Variants in POTEC observed in about 807,000 individuals in gnomAD.
POTEC encodes the protein ANKRD26-like family B member 2.
In POTEC, 35 loss-of-function variants were observed where a neutral mutation model predicts 62.0. That is an observed-to-expected ratio of 0.56 (90% CI 0.43 to 0.75). The LOEUF is 0.75. Among genes scored for constraint, POTEC ranks in the 30% least tolerant of loss-of-function variants. POTEC has a pLI of 0.00. For missense variants in POTEC, 472 were observed against 655.9 expected (o/e 0.72, Z 3.06); for synonymous variants, 156 against 221.5 (o/e 0.70, Z 2.62).
At position 14,507,635 on chromosome 18, in the gene POTEC, T is replaced by C. The variant is rs1183141177; in HGVS notation, c.*4263A>G. 1.3e-5 allele frequency: 2 copies of C among 152,144 alleles called. No homozygotes were observed. Among genetic ancestry groups the C allele is most frequent in the Non-Finnish European group, 2.9e-5 (2 of 68,038 alleles). The allele number at this position is 152,144 out of a possible 1,614,324, so 9.4% of individuals were successfully genotyped here. A position where few individuals can be genotyped will look rare whatever the true frequency, so the allele number is the denominator to read the frequency against. On this transcript the variant is annotated 3_prime_UTR_variant, in exon 11 of 11. Transcript: ENST00000358970. ...TCCTGTCATCATGCTGTCAGCTGGC[T>C]CTTTTGCAGACTTATGTATGTGGTT...
At chr18:14,513,563 G>A (rs1198452712) in intron 10 of POTEC, 99 bp downstream of exon 10, 3 of 1,492,264 alleles carry the variant, frequency 2.0e-6, no homozygotes, top group East Asian at 2.4e-5. Context: ...ACACACGTGT[G>A]TATATATGTG....
rs553468739 is a variant in POTEC at position 14,512,054 on chromosome 18, C to T, written c.1534-61G>A. ...ATAGAATGACATATCATGATTTCTT[C>T]TAAAATTAAAGAATGACATTTATAT... On this transcript the variant is annotated intron_variant, in intron 10 of 10. Transcript: ENST00000358970. The T allele has an allele frequency of 9.4e-5, 123 of 1,306,586 alleles. No individual in the cohort carries two copies. In the South Asian group the frequency reaches 1.3e-3, roughly 14 times the overall value. 80.9% of individuals were successfully genotyped at this position (1,306,586 alleles called of 1,614,324 possible). A position where few individuals can be genotyped will look rare whatever the true frequency, so the allele number is the denominator to read the frequency against.
intron 6 of POTEC, among the ~76,000 whole-genome samples, chr18:14,530,170 C>T (rs545596045): frequency 2.7e-4 from 41 of 151,906 alleles, no homozygotes; most frequent in African/African-American, 8.2e-4. Context: ...TTGTGTGCTT[C>T]ATATGAGAAT....
At chr18:14,517,300 C>A (rs932240857) in intron 9 of POTEC, among the ~76,000 whole-genome samples, 5 of 152,192 alleles carry the variant, frequency 3.3e-5, no homozygotes, top group African/African-American at 1.2e-4. Context: ...CAAGAAGCCA[C>A]CCAAAGCCAG....
intron 6 of POTEC, among the ~76,000 whole-genome samples, chr18:14,526,355 A>G (rs1375062531): frequency 1.3e-5 from 2 of 152,104 alleles, no homozygotes; most frequent in African/African-American, 2.4e-5. Context: ...ATTCTTCCAC[A>G]GGTCTGTCCC....
chr18:14,511,817 G>A lies in POTEC; in HGVS notation c.*81C>T, dbSNP rs1483391452. The A allele has an allele frequency of 1.5e-6, 2 of 1,309,680 alleles. No homozygotes were observed. The highest frequency in any genetic ancestry group is 3.0e-5 in the African/African-American group (2 of 67,076). The allele number at this position is 1,309,680 out of a possible 1,614,324, so 81.1% of individuals were successfully genotyped here. On this transcript the variant is annotated 3_prime_UTR_variant, in exon 11 of 11. Transcript: ENST00000358970. Reference sequence around the variant, plus strand: ...TCATTCAATTGCATAGCCCTTAGAAGTTTATCAGTCTTTTCTTTCACACTT... The same window carrying A: ...TCATTCAATTGCATAGCCCTTAGAAATTTATCAGTCTTTTCTTTCACACTT...
chr18:14,521,369 A>G (rs181244459), intron 9 of POTEC, among the ~76,000 whole-genome samples: 76 of 152,328 alleles, frequency 5.0e-4, no homozygotes, highest in African/African-American at 1.6e-3. Flanking sequence ...AATAATCAGT[A>G]TACTCTAGAT....
At position 14,530,504 on chromosome 18, in the gene POTEC, A is replaced by G. The variant is rs942140736; in HGVS notation, c.1105T>C (p.Ser369Pro). Residue 369 changes from serine to proline, a missense_variant, in exon 6 of 11, where the codon TCT becomes CCT. Physicochemically the swap from Ser to Pro is moderately conservative, Grantham distance 74. Transcript: ENST00000358970. ...TTACCTGGATTGCTGTTTTCAGAAG[A>G]GATTTTTAGCATCTGTTTTTCTTTA... ...DYKEKQMLKISSENSNPEQDL... is the reference protein window; with the variant it reads ...DYKEKQMLKIPSENSNPEQDL... 1.3e-6 allele frequency: 2 copies of G among 1,595,896 alleles called. No individual in the cohort carries two copies. The highest frequency in any genetic ancestry group is 1.7e-6 in the Non-Finnish European group (2 of 1,171,602).
Position 14,542,588 on chromosome 18 carries a change from C to G in POTEC, c.521+38G>C, listed in dbSNP as rs777425315. 77 of 1,611,592 alleles carry G rather than the reference C, an allele frequency of 4.8e-5. 1 individual carries two copies. Among genetic ancestry groups the G allele is most frequent in the Non-Finnish European group, 9.3e-6 (11 of 1,179,842 alleles). On this transcript the variant is annotated intron_variant, in intron 1 of 10. Transcript: ENST00000358970. Reference sequence around the variant, plus strand: ...CCAGGAGGGTATGTCCCCATCATCCCCCCATGTCCCGCCTCCTCCCATCCC... The same window carrying G: ...CCAGGAGGGTATGTCCCCATCATCCGCCCATGTCCCGCCTCCTCCCATCCC...
intron 3 of POTEC, 98 bp downstream of exon 3, chr18:14,537,703 T>C (rs1567915751): frequency 1.5e-6 from 2 of 1,323,836 alleles, no homozygotes; most frequent in Admixed American, 2.1e-5. Context: ...ATTCAGGTTA[T>C]GCTTGAGCTT....
chr18:14,534,867 AG>A, intron 4 of POTEC, 33 bp downstream of exon 4: 1 of 1,524,066 alleles, frequency 6.6e-7, no homozygotes, highest in Non-Finnish European at 8.8e-7. Context: ...CTATCAATCT[AG>A]AACAACACAC....
chr18:14,523,999 T>C (rs2143131789), intron 7 of POTEC, among the ~76,000 whole-genome samples: 1 of 152,278 alleles, frequency 6.6e-6, no homozygotes, highest in East Asian at 1.9e-4. Flanking sequence ...TAGGCACGCT[T>C]TAAATTATTA....
At chr18:14,540,753 T>C (rs1232869431) in intron 1 of POTEC, among the ~76,000 whole-genome samples, 2 of 152,242 alleles carry the variant, frequency 1.3e-5, no homozygotes, top group African/African-American at 4.8e-5. Flanking sequence ...AATGTGGTTC[T>C]TACCATCAAA....
intron 6 of POTEC, among the ~76,000 whole-genome samples, chr18:14,529,557 T>G (rs1194842853): frequency 6.6e-6 from 1 of 152,198 alleles, no homozygotes; most frequent in Admixed American, 6.5e-5. Flanking sequence ...GTATTAGGTG[T>G]CCACAACCAG....
intron 6 of POTEC, among the ~76,000 whole-genome samples, chr18:14,525,705 C>T (rs1380179789): frequency 8.6e-5 from 13 of 151,378 alleles, no homozygotes; most frequent in South Asian, 8.4e-4. Context: ...GATGCAAATC[C>T]GCTGAGCTGG....
chr18:14,528,490 A>G (rs1910497476), intron 6 of POTEC, among the ~76,000 whole-genome samples: 1 of 152,186 alleles, frequency 6.6e-6, no homozygotes, highest in Non-Finnish European at 1.5e-5. Flanking sequence ...AGCCCCTTGC[A>G]TGCTTCTAAG....
At chr18:14,537,221 A>AAC (rs1905769142) in intron 3 of POTEC, among the ~76,000 whole-genome samples, 2 of 137,422 alleles carry the variant, frequency 1.5e-5, no homozygotes, top group African/African-American at 2.8e-5. Context: ...AAAAAAAAAA[A>AAC]AAAACAAAAA....
At chr18:14,516,335 T>TATATATATATATATAC (rs1308067956) in intron 9 of POTEC, among the ~76,000 whole-genome samples, 9 of 69,962 alleles carry the variant, frequency 1.3e-4, no homozygotes, top group Non-Finnish European at 2.1e-4. Context: ...TATATATATA[T>TATATATATATATATAC]ACCTATACCT....
chr18:14,522,554 A>C, intron 8 of POTEC, 134 bp from the exon 9 acceptor site: 1 of 1,406,056 alleles, frequency 7.1e-7, no homozygotes, highest in Non-Finnish European at 9.5e-7. Flanking sequence ...AAATTTGATC[A>C]TATATACAGA....
Sources: gnomAD v4.1 joint callset for allele counts (sites outside exome capture counted in the v4.1 genomes callset) on GRCh38, gnomAD v4.1.1 for gene constraint, MANE v1.5 for transcripts, NCBI Gene and HGNC (gene_info 2026-07-23, HGNC 2026-07-21) for gene names.